Variants in PKD1 observed in about 807,000 individuals in gnomAD.
The protein encoded by PKD1 is polycystin-1.
In PKD1, 81 loss-of-function variants were observed where a neutral mutation model predicts 361.7. The ratio of observed to expected loss-of-function variants is 0.22; its 90% confidence interval spans 0.19 to 0.27. PKD1 has a LOEUF of 0.27. PKD1 is among the 10% of genes least tolerant of loss of function. PKD1 has a pLI of 1.00. For missense variants in PKD1, 6,399 were observed against 6,118.3 expected (o/e 1.05, Z -1.53); for synonymous variants, 3,615 against 2,818.3 (o/e 1.28, Z -8.95).
At chr16:2,090,216 A>G in intron 45 of PKD1, 22 bp from the exon 46 acceptor site, 1 of 1,608,576 alleles carries the variant, frequency 6.2e-7, no homozygotes, top group Non-Finnish European at 8.5e-7. Context: ...ACAGGGGCTC[A>G]GTCAGTCCGG....
At position 2,100,832 on chromosome 16, in the gene PKD1, C is replaced by T. The variant is rs912984867; in HGVS notation, c.9398-266G>A. The stretch of plus-strand genomic sequence containing the variant: ...TGGCTGCACACGCCTCAGTCCACAC[C>T]ACAACCAGTGACCCGCACTGCACAC... On this transcript the variant is annotated intron_variant, in intron 26 of 45. Transcript: ENST00000262304. The surrounding 1 kb of genome is among the most constrained non-coding windows in gnomAD (Gnocchi z 4.4). 1.7e-5 allele frequency: 9 copies of T among 530,732 alleles called. No individual in the cohort carries two copies. The African/African-American group carries it at 1.7e-4, about 10-fold the overall frequency. 32.9% of individuals were successfully genotyped at this position (530,732 alleles called of 1,614,324 possible).
Position 2,100,405 on chromosome 16 carries a change from C to T in PKD1, c.9559G>A (p.Asp3187Asn), listed in dbSNP as rs754938191. 1.9e-6 allele frequency: 3 copies of T among 1,611,292 alleles called. No individual in the cohort carries two copies. Among genetic ancestry groups the T allele is most frequent in the Non-Finnish European group, 2.5e-6 (3 of 1,179,770 alleles). The change falls in exon 27 of 46, where the codon GAC becomes AAC. Residue 3187 changes from aspartate to asparagine, a missense_variant. Physicochemically the swap from Asp to Asn is conservative, Grantham distance 23 (BLOSUM62 1). Coordinates refer to ENST00000262304, the MANE Select transcript of PKD1 (RefSeq NM_001009944.3). The surrounding 1 kb of genome is among the most constrained non-coding windows in gnomAD (Gnocchi z 4.4). ...GSVWKIRVWHDNKGLSPAWFL... is the reference protein window; with the variant it reads ...GSVWKIRVWHNNKGLSPAWFL... ...CAGGGTCCGCACAAACCTTTGTTGT[C>T]GTGCCACACTCGGATCTTCCACACG...
intron 1 of PKD1, chr16:2,135,029 T>TCA (rs2092934307): frequency 1.1e-6 from 1 of 893,806 alleles, no homozygotes; most frequent in African/African-American, 2.0e-5. Context: ...TGGACCCACC[T>TCA]CATCGCCCCT....
chr16:2,097,786 A>T lies in PKD1; in HGVS notation c.10168-6T>A. The T allele has an allele frequency of 6.2e-7, 1 of 1,611,476 alleles. No homozygotes were observed. Among genetic ancestry groups the T allele is most frequent in the African/African-American group, 1.3e-5 (1 of 75,000 alleles). On this transcript the variant is annotated splice_region_variant and splice_polypyrimidine_tract_variant and intron_variant, in intron 31 of 45. Coordinates refer to ENST00000262304, the MANE Select transcript of PKD1 (RefSeq NM_001009944.3). ...ATCTGTCCAACAAAGGCCTGCTGAG[A>T]GGTGCACAGTGTCTTGAGTCCAAGC...
intron 45 of PKD1, 27 bp from the exon 46 acceptor site, chr16:2,090,221 G>A (rs372745642): frequency 5.1e-5 from 82 of 1,608,770 alleles, no homozygotes; most frequent in Non-Finnish European, 6.6e-5. Context: ...GGCTCAGTCA[G>A]TCCGGCTGCA....
At position 2,107,135 on chromosome 16, in the gene PKD1, T is replaced by C. The variant is rs2092366775; in HGVS notation, c.7066-187A>G. The C allele has an allele frequency of 4.5e-6, 3 of 670,718 alleles. No individual in the cohort carries two copies. The Admixed American group carries it at 6.2e-5, about 14-fold the overall frequency. 41.5% of individuals were successfully genotyped at this position (670,718 alleles called of 1,614,324 possible). ...TTCCAACTTGGACGGCGGAAGGGCA[T>C]ACACAGGGCAGAGGACACTGGAGTG... On this transcript the variant is annotated intron_variant, in intron 16 of 45. Coordinates refer to ENST00000262304, the MANE Select transcript of PKD1 (RefSeq NM_001009944.3).
At chr16:2,120,728 A>G (rs2092707445) in intron 1 of PKD1, among the ~76,000 whole-genome samples, 1 of 152,152 alleles carries the variant, frequency 6.6e-6, no homozygotes, top group Admixed American at 6.5e-5. Context: ...AAAGCAAGGA[A>G]AGAAAGATGG....
rs1295445879 is a variant in PKD1, at chr16:2,093,873, C to A, written c.10759G>T (p.Ala3587Ser). The stretch of plus-strand genomic sequence containing the variant: ...CTGGCGCTGCTGGACAGGAGCCACG[C>A]AACACTCACGCCCGGGGGGAAGCTC... ...GASFPPGVSV[A>S]WLLSSSASFL... The change falls in exon 36 of 46, where the codon GCG becomes TCG. Residue 3587 changes from alanine to serine, a missense_variant. Coordinates refer to ENST00000262304, the MANE Select transcript of PKD1 (RefSeq NM_001009944.3). 1.3e-6 allele frequency: 2 copies of A among 1,572,812 alleles called. No individual in the cohort carries two copies. Among genetic ancestry groups the A allele is most frequent in the Non-Finnish European group, 1.7e-6 (2 of 1,165,148 alleles).
At chr16:2,091,329 G>GCTGCGAGGGCGGGGCC (rs1555445425) in intron 42 of PKD1, 94 bp downstream of exon 42, 20,129 of 390,820 alleles carry the variant, frequency 0.052, 2,950 homozygotes, top group African/African-American at 0.37. Context: ...GGGGCGGGGC[G>GCTGCGAGGGCGGGGCC]CTGCGAGGGG....
At position 2,090,362 on chromosome 16, in the gene PKD1, C is replaced by T. The variant is rs2091438322; in HGVS notation, c.12367G>A (p.Glu4123Lys). 6.2e-7 allele frequency: 1 copy of T among 1,612,622 alleles called. No individual in the cohort carries two copies. Residue 4123 changes from glutamate to lysine, a missense_variant, in exon 45 of 46, where the codon GAG becomes AAG. Physicochemically the swap from Glu to Lys is moderately conservative, Grantham distance 56 (BLOSUM62 1). Transcript: ENST00000262304. ...TCCACCATCTCGTAGTCCTGGGGCTCCCAGGCCGGCCGGTACAGCTCTCCA... is the reference window on the plus strand; with the variant it reads ...TCCACCATCTCGTAGTCCTGGGGCTTCCAGGCCGGCCGGTACAGCTCTCCA... ...LRGELYRPAW[E>K]PQDYEMVELF...
At chr16:2,113,631 T>C in intron 11 of PKD1, 1 of 425,386 alleles carries the variant, frequency 2.4e-6, no homozygotes, top group Non-Finnish European at 4.4e-6. Context: ...CCCAGAGAGC[T>C]CGGAGCAGTG....
chr16:2,123,390 C>T, intron 1 of PKD1: 1 of 448,356 alleles, frequency 2.2e-6, no homozygotes, highest in Non-Finnish European at 4.5e-6. Flanking sequence ...GGTGTGGAAG[C>T]ATCTGCCCTG....
rs1329454021 is a variant in PKD1 at position 2,112,959 on chromosome 16, G to T, written c.2990C>A (p.Thr997Lys). The change falls in exon 13 of 46, where the codon ACG (threonine) becomes AAG (lysine). Residue 997 changes from threonine to lysine, a missense_variant. Coordinates refer to ENST00000262304, the MANE Select transcript of PKD1 (RefSeq NM_001009944.3). ...GACGTTGCTCACGTGGTTGGAGGCCGTCAGCTGCAGGGACAGGCGTCAGTG... is the reference window on the plus strand; with the variant it reads ...GACGTTGCTCACGTGGTTGGAGGCCTTCAGCTGCAGGGACAGGCGTCAGTG... ...QSAAVFKLSL[T>K]ASNHVSNVTV... 2 of 1,599,152 alleles carry T rather than the reference G, an allele frequency of 1.3e-6. No individual in the cohort carries two copies. The highest frequency in any genetic ancestry group is 1.3e-5 in the African/African-American group (1 of 74,964).
At position 2,090,680 on chromosome 16, in the gene PKD1, G is replaced by A. The variant is rs1804177; in HGVS notation, c.12132C>T (p.Ala4044=). The change falls in exon 44 of 46, where the codon GCC becomes GCT. Residue 4044 remains alanine (A), a synonymous_variant. Coordinates refer to ENST00000262304, the MANE Select transcript of PKD1 (RefSeq NM_001009944.3). ...VVLGVAYAQL[A]ILLVSSCVDS... ...CGGCCGCGCAGTCACCTACCAGGAT[G>A]GCCAGCTGGGCGTAGGCTACCCCGA... is the stretch of plus-strand genomic sequence containing the variant. 12 of 1,612,118 alleles carry A rather than the reference G, an allele frequency of 7.4e-6. No individual in the cohort carries two copies. Among genetic ancestry groups the A allele is most frequent in the African/African-American group, 2.7e-5 (2 of 75,040 alleles).
chr16:2,093,765 T>G (rs1483387385), intron 36 of PKD1, 27 bp from the exon 37 acceptor site: 1 of 1,562,966 alleles, frequency 6.4e-7, no homozygotes, highest in African/African-American at 1.4e-5. Flanking sequence ...TTCAGAGGGG[T>G]CCCCCGTGAT....
In PKD1 at chr16:2,102,461, C is replaced by A. The variant is rs1324329684; in HGVS notation, c.9121G>T (p.Ala3041Ser). 6.4e-7 allele frequency: 1 copy of A among 1,553,804 alleles called. No homozygotes were observed. Among genetic ancestry groups the A allele is most frequent in the Admixed American group, 1.9e-5 (1 of 51,380 alleles). ...GTGAGGTGGCGGGTGAGGCAGACGG[C>A]CTGGCGGGGCGAGGTCTCCTCCAGG... ...LPLEETSPRQ[A>S]VCLTRHLTAF... is the part of the protein sequence containing the mutation. Residue 3041 changes from alanine to serine, a missense_variant, in exon 25 of 46, where the codon GCC (alanine) becomes TCC (serine). Transcript: ENST00000262304.
intron 1 of PKD1, among the ~76,000 whole-genome samples, chr16:2,133,650 T>G (rs1170379853): frequency 6.6e-6 from 1 of 152,152 alleles, no homozygotes; most frequent in Non-Finnish European, 1.5e-5. Context: ...AGGCCCTAGT[T>G]TGCCATGGGT....
At position 2,106,684 on chromosome 16, in the gene PKD1, G is replaced by A. The variant is rs370411414; in HGVS notation, c.7210-7C>T. ...ACGTACGTGCAGCCCACCGCTGCAG[G>A]CAGAAGGGGTGGTGAGGGGGCGCAA... On this transcript the variant is annotated splice_polypyrimidine_tract_variant and splice_region_variant and intron_variant, in intron 17 of 45. Coordinates refer to ENST00000262304, the MANE Select transcript of PKD1 (RefSeq NM_001009944.3). This position sits in a 1 kb window ranked among gnomAD's most constrained non-coding sequence, Gnocchi z 6.5. 263 of 1,592,510 alleles carry A rather than the reference G, an allele frequency of 1.7e-4. No homozygotes were observed. In the African/African-American group the frequency reaches 2.9e-3, roughly 17 times the overall value.
At chr16:2,121,868 G>A (rs2092726447) in intron 1 of PKD1, among the ~76,000 whole-genome samples, 1 of 152,160 alleles carries the variant, frequency 6.6e-6, no homozygotes, top group Non-Finnish European at 1.5e-5. Context: ...GACCCAGCAG[G>A]TGCCTCCGCC....
Sources: gnomAD v4.1 joint callset for allele counts (sites outside exome capture counted in the v4.1 genomes callset) on GRCh38, gnomAD v4.1.1 for gene constraint, Gnocchi (gnomAD v3.1) non-coding constraint, MANE v1.5 for transcripts, NCBI Gene and HGNC (gene_info 2026-07-23, HGNC 2026-07-21) for gene names.